Variants in BRCA1 observed in about 807,000 individuals in gnomAD.
BRCA1 encodes the protein BRCA1 DNA repair associated.
A neutral mutation model predicts 173.7 loss-of-function variants in BRCA1; 140 were observed. The observed-to-expected ratio is 0.81, with a 90% CI of 0.70 to 0.93. The LOEUF is 0.93. Ranked by LOEUF, BRCA1 falls within the 40% of genes least tolerant of loss-of-function variation. The pLI is 0.00. For synonymous variants in BRCA1, 662 were observed against 756.0 expected (o/e 0.88, Z 2.04); for missense variants, 1,983 against 2,172.5 (o/e 0.91, Z 1.73).
intron 1 of BRCA1, among the ~76,000 whole-genome samples, chr17:43,151,028 T>C (rs2056157991): frequency 6.6e-6 from 1 of 151,998 alleles, no homozygotes; most frequent in Non-Finnish European, 1.5e-5. Context: ...GTTGGGTGGG[T>C]GGGGCATATG....
At chr17:43,152,040 G>C (rs2056165257) in intron 1 of BRCA1, among the ~76,000 whole-genome samples, 1 of 152,164 alleles carries the variant, frequency 6.6e-6, no homozygotes, top group African/African-American at 2.4e-5. Context: ...TTCTCCCCAG[G>C]TAGAAACTGG....
intron 1 of BRCA1, among the ~76,000 whole-genome samples, chr17:43,151,533 G>T (rs1272518683): frequency 6.6e-6 from 1 of 152,158 alleles, no homozygotes; most frequent in African/African-American, 2.4e-5. Context: ...TTTTCAGTGT[G>T]TTCCAGAAAT....
chr17:43,065,557 G>C (rs1010793515), intron 16 of BRCA1, among the ~76,000 whole-genome samples: 6 of 152,124 alleles, frequency 3.9e-5, no homozygotes, highest in Non-Finnish European at 8.8e-5. Context: ...CCAGCTACTC[G>C]GGAGGCTGAG....
At chr17:43,100,664 A>G (rs1485027435) in intron 6 of BRCA1, among the ~76,000 whole-genome samples, 1,543 of 19,750 alleles carry the variant, frequency 0.078, 95 homozygotes, top group African/African-American at 0.12. Flanking sequence ...TAACATATAT[A>G]TATATATATA....
intron 6 of BRCA1, among the ~76,000 whole-genome samples, chr17:43,100,655 A>AAC (rs1567807480): frequency 7.6e-5 from 2 of 26,422 alleles, no homozygotes; most frequent in Non-Finnish European, 5.6e-5. Context: ...ACATATATAT[A>AAC]ACATATATAT....
At chr17:43,108,320 AGAGTGAGATTGT>A (rs944075820) in intron 3 of BRCA1, among the ~76,000 whole-genome samples, 2 of 148,402 alleles carry the variant, frequency 1.3e-5, no homozygotes, top group African/African-American at 4.9e-5. Context: ...CCTGGGCAAC[AGAGTGAGATTGT>A]GCCAAAAAAA....
intron 2 of BRCA1, among the ~76,000 whole-genome samples, chr17:43,119,487 G>GT (rs972048911): frequency 6.6e-6 from 1 of 152,104 alleles, no homozygotes; most frequent in Non-Finnish European, 1.5e-5. Flanking sequence ...ACCTGAACCT[G>GT]TTTCCTTCTC....
rs1054646259 is a variant in BRCA1 at position 43,075,459 on chromosome 17, G to C, written c.4485-938C>G. ...ATCAACAGATTTAAAGGGCCTCAGA[G>C]GTTAATTAATTTAAACAATTATTGG... On this transcript the variant is annotated intron_variant, in intron 13 of 22. Coordinates refer to ENST00000357654, the MANE Select transcript of BRCA1 (RefSeq NM_007294.4). 1.4e-4 allele frequency among the ~76,000 whole-genome samples: 22 copies of C among 152,210 alleles called. No homozygotes were observed. The South Asian group carries it at 4.1e-3, about 29-fold the overall frequency.
intron 1 of BRCA1, among the ~76,000 whole-genome samples, chr17:43,147,768 G>A (rs1352882143): frequency 6.6e-6 from 1 of 152,038 alleles, no homozygotes; most frequent in Non-Finnish European, 1.5e-5. Flanking sequence ...TTTAGAGGAA[G>A]GACTCACATA....
intron 12 of BRCA1, among the ~76,000 whole-genome samples, chr17:43,078,452 G>A (rs755958670): frequency 2.6e-5 from 4 of 152,186 alleles, no homozygotes; most frequent in Non-Finnish European, 5.9e-5. Context: ...GATTATAGGC[G>A]TGAGCCACCA....
intron 2 of BRCA1, among the ~76,000 whole-genome samples, chr17:43,118,925 G>C (rs1035917723): frequency 1.3e-5 from 2 of 151,920 alleles, no homozygotes; most frequent in Non-Finnish European, 2.9e-5. Context: ...TGCCACACCC[G>C]GCTAATTTTT....
upstream of BRCA1, among the ~76,000 whole-genome samples, chr17:43,128,132 A>G (rs570033471): frequency 5.3e-5 from 8 of 151,814 alleles, no homozygotes; most frequent in East Asian, 1.5e-3. Context: ...GCTCTTTGCA[A>G]TAAATCTTGC....
chr17:43,147,424 C>T (rs912187529), intron 1 of BRCA1, among the ~76,000 whole-genome samples: 3 of 152,126 alleles, frequency 2.0e-5, no homozygotes, highest in Admixed American at 6.5e-5. Flanking sequence ...CTCCTGACCT[C>T]GTGATCTGCC....
chr17:43,084,355 G>A (rs796315905), intron 11 of BRCA1, among the ~76,000 whole-genome samples: 15 of 151,302 alleles, frequency 9.9e-5, no homozygotes, highest in Admixed American at 6.6e-4. Flanking sequence ...TAGTAGAGAC[G>A]GGGTTTCACC....
upstream of BRCA1, chr17:43,125,426 A>G (rs2055839738): frequency 1.1e-5 from 4 of 376,780 alleles, no homozygotes; most frequent in Middle Eastern, 9.0e-4. Flanking sequence ...TTCCGTTGCC[A>G]CGGAAACCAA....
chr17:43,130,284 G>T (rs1441479710), upstream of BRCA1, among the ~76,000 whole-genome samples: 1 of 152,050 alleles, frequency 6.6e-6, no homozygotes, highest in Non-Finnish European at 1.5e-5. Flanking sequence ...AAATTGCTAG[G>T]ATTACAGGCA....
intron 6 of BRCA1, 90 bp from the exon 7 acceptor site, chr17:43,099,970 A>G (rs1390207007): frequency 1.0e-6 from 1 of 1,004,230 alleles, no homozygotes; most frequent in Non-Finnish European, 1.6e-6. Context: ...TGGACAAAAT[A>G]AATTGACCAT....
rs2053208576 is a variant in BRCA1, at chr17:43,085,843, A to C, written c.4186-3268T>G. Among the ~76,000 whole-genome samples, 3 of 152,174 alleles carry C rather than the reference A, an allele frequency of 2.0e-5. No individual in the cohort carries two copies. The South Asian group carries it at 6.2e-4, about 32-fold the overall frequency. On this transcript the variant is annotated intron_variant, in intron 11 of 22. Coordinates refer to ENST00000357654, the MANE Select transcript of BRCA1 (RefSeq NM_007294.4). ...TGTTTGTTCACATTCATTACATATAAATATATATATAAAACCTTCCCATAA... is the reference window on the plus strand; with the variant it reads ...TGTTTGTTCACATTCATTACATATACATATATATATAAAACCTTCCCATAA...
chr17:43,115,599 T>C (rs1405835414), intron 3 of BRCA1, 127 bp downstream of exon 3: 1 of 880,532 alleles, frequency 1.1e-6, no homozygotes, highest in African/African-American at 1.7e-5. Flanking sequence ...AAGAATGAAA[T>C]GGAGTTGGAT....
Sources: allele counts gnomAD v4.1 joint callset (sites outside exome capture counted in the v4.1 genomes callset), GRCh38; gene constraint gnomAD v4.1.1; transcripts MANE v1.5; gene names NCBI Gene and HGNC (gene_info 2026-07-23, HGNC 2026-07-21).